Variants in NFIA observed in about 807,000 individuals in gnomAD.
The protein encoded by NFIA is nuclear factor 1 A-type.
A neutral mutation model predicts 62.8 loss-of-function variants in NFIA; 8 were observed. The observed-to-expected ratio is 0.13, with a 90% CI of 0.07 to 0.23. NFIA has a LOEUF of 0.23. Ranked by LOEUF, NFIA falls within the 10% of genes least tolerant of loss-of-function variation. NFIA has a pLI of 1.00. For missense variants in NFIA, 410 were observed against 642.1 expected (o/e 0.64, Z 3.91); for synonymous variants, 235 against 238.1 (o/e 0.99, Z 0.12).
At chr1:61,176,538 C>G (rs1353183843) in intron 2 of NFIA, among the ~76,000 whole-genome samples, 1 of 151,996 alleles carries the variant, frequency 6.6e-6, no homozygotes, top group African/African-American at 2.4e-5. Context: ...TGCTTACTTC[C>G]ACTTAAAGCT....
At chr1:61,221,325 G>T (rs1654005244) in intron 2 of NFIA, among the ~76,000 whole-genome samples, 2 of 152,108 alleles carry the variant, frequency 1.3e-5, no homozygotes, top group South Asian at 4.2e-4. Context: ...TGGTGTCAGG[G>T]TTTTCATTTA....
At chr1:61,244,908 A>T (rs1340719855) in intron 2 of NFIA, among the ~76,000 whole-genome samples, 1 of 152,230 alleles carries the variant, frequency 6.6e-6, no homozygotes, top group African/African-American at 2.4e-5. Flanking sequence ...ACCATTAAGT[A>T]GACTGAGCAA....
chr1:61,092,034 AT>A (rs1646329579), intron 2 of NFIA, among the ~76,000 whole-genome samples: 1 of 152,172 alleles, frequency 6.6e-6, no homozygotes. Flanking sequence ...ATTTGATATT[AT>A]TACCTGCCAT....
At chr1:61,439,073 T>G (rs944445133) in intron 10 of NFIA, among the ~76,000 whole-genome samples, 4 of 149,926 alleles carry the variant, frequency 2.7e-5, no homozygotes, top group African/African-American at 9.9e-5. Context: ...GTCCAGAAGC[T>G]CCACACTGAA....
chr1:61,081,370 C>T (rs780376311), upstream of NFIA, among the ~76,000 whole-genome samples: 3 of 152,050 alleles, frequency 2.0e-5, no homozygotes, highest in Non-Finnish European at 4.4e-5. Context: ...TTGCAGGAAG[C>T]TCTTTTCCAT....
intron 2 of NFIA, among the ~76,000 whole-genome samples, chr1:61,101,635 A>G (rs1481143020): frequency 6.6e-6 from 1 of 152,150 alleles, no homozygotes; most frequent in African/African-American, 2.4e-5. Context: ...CCTAAAACAC[A>G]GCCAAGTCCC....
chr1:61,149,394 C>T (rs188708073), intron 2 of NFIA, among the ~76,000 whole-genome samples: 2 of 152,124 alleles, frequency 1.3e-5, no homozygotes, highest in Non-Finnish European at 2.9e-5. Flanking sequence ...AGCTCTAGCC[C>T]CAGACTATAC....
chr1:61,359,311 T>C (rs1228195570), intron 6 of NFIA, 37 bp downstream of exon 6: 3 of 1,611,352 alleles, frequency 1.9e-6, no homozygotes, highest in Non-Finnish European at 2.5e-6. Flanking sequence ...TGGCTAACAC[T>C]GTGAAACTGA....
At chr1:61,275,758 T>TA (rs1657770740) in intron 2 of NFIA, among the ~76,000 whole-genome samples, 1 of 152,158 alleles carries the variant, frequency 6.6e-6, no homozygotes, top group African/African-American at 2.4e-5. Flanking sequence ...GTCTTTCTCC[T>TA]AAAATACATT....
At chr1:61,186,264 G>A (rs575891818) in intron 2 of NFIA, among the ~76,000 whole-genome samples, 151 of 152,164 alleles carry the variant, frequency 9.9e-4, no homozygotes, top group African/African-American at 3.5e-3. Context: ...ATGAACTGCC[G>A]CAGGTGGTTC....
chr1:61,282,549 G>A (rs941986550), intron 3 of NFIA, among the ~76,000 whole-genome samples: 14 of 152,132 alleles, frequency 9.2e-5, no homozygotes, highest in Non-Finnish European at 1.5e-4. Context: ...TCATTAATGA[G>A]GATAAAGCTC....
At chr1:61,398,103 C>G (rs950457556) in intron 7 of NFIA, among the ~76,000 whole-genome samples, 1 of 152,168 alleles carries the variant, frequency 6.6e-6, no homozygotes, top group Non-Finnish European at 1.5e-5. Context: ...ATCCAATAGC[C>G]CTTTGCCTGT....
chr1:61,090,138 T>A (rs1646294590), intron 2 of NFIA, among the ~76,000 whole-genome samples: 1 of 152,222 alleles, frequency 6.6e-6, no homozygotes, highest in Admixed American at 6.5e-5. Flanking sequence ...TTAACCCTGT[T>A]GTTGTTCATT....
At chr1:61,431,407 G>A (rs1384648411) in intron 10 of NFIA, among the ~76,000 whole-genome samples, 1 of 152,124 alleles carries the variant, frequency 6.6e-6, no homozygotes, top group Non-Finnish European at 1.5e-5. Context: ...TGAAAAATGG[G>A]TGCAAACAAT....
chr1:61,262,561 A>G (rs932069767), intron 2 of NFIA, among the ~76,000 whole-genome samples: 1 of 152,128 alleles, frequency 6.6e-6, no homozygotes, highest in African/African-American at 2.4e-5. Flanking sequence ...TGTAATGAGC[A>G]TGAGTGTAGT....
chr1:61,387,473 T>C (rs1197664516), intron 7 of NFIA, among the ~76,000 whole-genome samples: 4 of 122,682 alleles, frequency 3.3e-5, no homozygotes, highest in African/African-American at 1.3e-4. Context: ...ACTTTCTTTT[T>C]TTTTTTTTTT....
chr1:61,353,814 A>G (rs928499093), intron 5 of NFIA, among the ~76,000 whole-genome samples: 3 of 152,188 alleles, frequency 2.0e-5, no homozygotes, highest in Admixed American at 6.5e-5. Context: ...TCCCTGTAGT[A>G]TCAGCTCCTC....
intron 2 of NFIA, among the ~76,000 whole-genome samples, chr1:61,152,159 C>T (rs1045714426): frequency 6.6e-6 from 1 of 152,174 alleles, no homozygotes; most frequent in Admixed American, 6.5e-5. Context: ...TGTTTATTCT[C>T]TCCTCCTATC....
intron 2 of NFIA, among the ~76,000 whole-genome samples, chr1:61,250,755 T>C (rs904678788): frequency 6.6e-6 from 1 of 152,204 alleles, no homozygotes; most frequent in African/African-American, 2.4e-5. Context: ...TTTATTAAAA[T>C]CATAGCTCGA....
Sources: allele counts gnomAD v4.1 joint callset (sites outside exome capture counted in the v4.1 genomes callset), GRCh38; gene constraint gnomAD v4.1.1; transcripts MANE v1.5; gene names NCBI Gene and HGNC (gene_info 2026-07-23, HGNC 2026-07-21).